Variants in ESYT2 observed in about 807,000 individuals in gnomAD.
ESYT2 encodes extended synaptotagmin 2, also known as extended synaptotagmin-2.
Under a neutral mutation model 107.2 loss-of-function variants are expected in ESYT2, and 54 were observed. The ratio of observed to expected loss-of-function variants is 0.50; its 90% confidence interval spans 0.40 to 0.63. ESYT2 has a LOEUF of 0.63. ESYT2 is among the 30% of genes least tolerant of loss of function. The pLI, the probability that ESYT2 is intolerant of heterozygous loss-of-function variation, is 0.00. For missense variants in ESYT2, 1,020 were observed against 1,094.5 expected, an observed-to-expected ratio of 0.93 and a Z score of 0.96; for synonymous variants, 491 against 434.1, an observed-to-expected ratio of 1.13 and a Z score of -1.63.
At chr7:158,782,065 AGTGTG>A (rs1202462898) in intron 6 of ESYT2, among the ~76,000 whole-genome samples, 1 of 145,852 alleles carries the variant, frequency 6.9e-6, no homozygotes, top group Non-Finnish European at 1.5e-5. Context: ...GAACGTGTGA[AGTGTG>A]GTGTATGTAA....
At chr7:158,807,317 T>C (rs1355142805) in intron 1 of ESYT2, among the ~76,000 whole-genome samples, 2 of 150,856 alleles carry the variant, frequency 1.3e-5, no homozygotes, top group Middle Eastern at 3.2e-3. Flanking sequence ...TCTACATGGA[T>C]TCAGAATTAA....
intron 18 of ESYT2, among the ~76,000 whole-genome samples, 196 bp downstream of exon 18, chr7:158,741,327 G>A (rs924051126): frequency 2.6e-5 from 4 of 152,170 alleles, no homozygotes; most frequent in African/African-American, 9.7e-5. Context: ...AAAATGGCAG[G>A]TTTTATTTCC....
chr7:158,737,194 C>T lies in ESYT2; in HGVS notation c.2268-15G>A, dbSNP rs757736356. 6.2e-7 allele frequency: 1 copy of T among 1,612,796 alleles called. No homozygotes were observed. Among genetic ancestry groups the T allele is most frequent in the Non-Finnish European group, 8.5e-7 (1 of 1,179,090 alleles). ...CAATGAGGTTTCTTACAACACAAAC[C>T]AGATAAGACGAGGTATTAGGACCGA... On this transcript the variant is annotated splice_polypyrimidine_tract_variant and intron_variant, in intron 19 of 22. Coordinates refer to ENST00000275418, the MANE Select transcript of ESYT2 (RefSeq NM_001367773.1).
chr7:158,738,344 G>T (rs7802851), intron 19 of ESYT2, among the ~76,000 whole-genome samples: 8,853 of 131,042 alleles, frequency 0.068, 656 homozygotes, highest in East Asian at 0.35. Flanking sequence ...CACACACACA[G>T]ACACACACAC....
chr7:158,829,449 C>G lies in ESYT2; in HGVS notation c.-31G>C. The G allele has an allele frequency of 5.9e-6, 7 of 1,193,418 alleles. No individual in the cohort carries two copies. Among genetic ancestry groups the G allele is most frequent in the African/African-American group, 1.6e-5 (1 of 62,380 alleles). The allele number at this position is 1,193,418 out of a possible 1,614,324, so 73.9% of individuals were successfully genotyped here. On this transcript the variant is annotated 5_prime_UTR_variant, in exon 1 of 23. Coordinates refer to ENST00000275418, the MANE Select transcript of ESYT2 (RefSeq NM_001367773.1). ...CGCAGTGCCGCGCTGCCCTCCCGGCCGAGGCGGGCTGGGTGCTCGCGCTGA... is the reference window on the plus strand; with the variant it reads ...CGCAGTGCCGCGCTGCCCTCCCGGCGGAGGCGGGCTGGGTGCTCGCGCTGA...
At chr7:158,769,420 G>A (rs1369319611) in intron 7 of ESYT2, among the ~76,000 whole-genome samples, 8 of 152,114 alleles carry the variant, frequency 5.3e-5, no homozygotes, top group Admixed American at 2.0e-4. Flanking sequence ...GCTCCCTGGC[G>A]GGGCTCCCCT....
At chr7:158,814,026 C>T (rs1277490590) in intron 1 of ESYT2, among the ~76,000 whole-genome samples, 2 of 151,822 alleles carry the variant, frequency 1.3e-5, no homozygotes, top group East Asian at 2.0e-4. Flanking sequence ...GTGATCCCAG[C>T]ACTTTGGGAG....
chr7:158,823,487 C>T (rs1840349933), intron 1 of ESYT2, among the ~76,000 whole-genome samples: 1 of 151,220 alleles, frequency 6.6e-6, no homozygotes, highest in Non-Finnish European at 1.5e-5. Context: ...CCGCCACGCC[C>T]GGCTAATTTT....
At chr7:158,788,498 C>A in intron 4 of ESYT2, 81 bp from the exon 5 acceptor site, 1 of 1,213,776 alleles carries the variant, frequency 8.2e-7, no homozygotes, top group Non-Finnish European at 1.2e-6. Flanking sequence ...GATGTATAAT[C>A]TGAATAAAAT....
chr7:158,765,612 C>T lies in ESYT2; in HGVS notation c.925-759G>A, dbSNP rs113223362. Among the ~76,000 whole-genome samples the T allele has an allele frequency of 5.1e-3, 773 of 151,988 alleles. 3 individuals carry two copies. Among genetic ancestry groups the T allele is most frequent in the African/African-American group, 0.018 (742 of 41,430 alleles). On this transcript the variant is annotated intron_variant, in intron 8 of 22. Coordinates refer to ENST00000275418, the MANE Select transcript of ESYT2 (RefSeq NM_001367773.1). ...TTAGCCAGGCATGGTGGCGCATGTC[C>T]GTAGTCCCAGTTACTCAGAAGGCTG...
intron 1 of ESYT2, among the ~76,000 whole-genome samples, chr7:158,800,290 G>A (rs889723172): frequency 2.0e-5 from 3 of 152,008 alleles, no homozygotes; most frequent in South Asian, 2.1e-4. Flanking sequence ...CTCGTGATCC[G>A]CCTGCCTCTG....
intron 18 of ESYT2, among the ~76,000 whole-genome samples, chr7:158,740,835 C>G (rs1021605222): frequency 1.3e-5 from 2 of 152,134 alleles, no homozygotes; most frequent in African/African-American, 4.8e-5. Context: ...TCTAACAGCT[C>G]AGAAGCACCT....
chr7:158,821,921 C>T (rs2129474303), intron 1 of ESYT2, among the ~76,000 whole-genome samples: 1 of 152,096 alleles, frequency 6.6e-6, no homozygotes, highest in Non-Finnish European at 1.5e-5. Context: ...TTATAACACG[C>T]CCCCTTAGTT....
chr7:158,793,780 A>G, intron 3 of ESYT2, 54 bp from the exon 4 acceptor site: 2 of 1,340,370 alleles, frequency 1.5e-6, no homozygotes, highest in African/African-American at 1.5e-5. Flanking sequence ...AAAAAATCAA[A>G]CCGTGTAACA....
rs1837222879 is a variant in ESYT2, at chr7:158,741,903, G to C, written c.1795-7C>G. 6.3e-7 allele frequency: 1 copy of C among 1,575,252 alleles called. No individual in the cohort carries two copies. Among genetic ancestry groups the C allele is most frequent in the Admixed American group, 1.9e-5 (1 of 53,550 alleles). On this transcript the variant is annotated splice_region_variant and splice_polypyrimidine_tract_variant and intron_variant, in intron 17 of 22. Coordinates refer to ENST00000275418, the MANE Select transcript of ESYT2 (RefSeq NM_001367773.1). ...GCTTTTCGAGATGGAGCACCTAGAG[G>C]TGGACATAAACATAAAAATTAAACT... is the stretch of plus-strand genomic sequence containing the variant.
At chr7:158,740,424 C>A (rs573956771) in intron 18 of ESYT2, among the ~76,000 whole-genome samples, 1 of 152,344 alleles carries the variant, frequency 6.6e-6, no homozygotes, top group East Asian at 1.9e-4. Flanking sequence ...GTCCTTATTA[C>A]AAGCATCAGC....
At chr7:158,738,905 C>G (rs1158398348) in intron 19 of ESYT2, 118 bp downstream of exon 19, 2 of 1,054,666 alleles carry the variant, frequency 1.9e-6, no homozygotes, top group South Asian at 1.5e-5. Context: ...ATTGCTTTGT[C>G]CTTTCTAAAT....
At chr7:158,817,906 A>G (rs1840188509) in intron 1 of ESYT2, among the ~76,000 whole-genome samples, 1 of 152,248 alleles carries the variant, frequency 6.6e-6, no homozygotes, top group African/African-American at 2.4e-5. Context: ...AAAAACTAGC[A>G]TATAATAGGT....
chr7:158,772,154 A>G (rs1584824813), intron 7 of ESYT2, among the ~76,000 whole-genome samples: 1 of 151,896 alleles, frequency 6.6e-6, no homozygotes, highest in East Asian at 1.9e-4. Flanking sequence ...TTATTTACCT[A>G]CTTAAGACCA....
Sources: allele counts gnomAD v4.1 joint callset (sites outside exome capture counted in the v4.1 genomes callset), GRCh38; gene constraint gnomAD v4.1.1; transcripts MANE v1.5; gene names NCBI Gene and HGNC (gene_info 2026-07-23, HGNC 2026-07-21).